The following NCKIPSD variants were observed in gnomAD, a reference collection of about 807,000 sequenced individuals.
The protein encoded by NCKIPSD is NCK-interacting protein with SH3 domain.
NCKIPSD carries 48 observed loss-of-function variants against 73.4 expected under a neutral mutation model. The ratio of observed to expected loss-of-function variants is 0.65; its 90% confidence interval spans 0.52 to 0.83. The LOEUF (loss-of-function observed/expected upper bound fraction) is 0.83. NCKIPSD is among the 40% of genes least tolerant of loss of function. NCKIPSD has a pLI of 0.00. For missense variants in NCKIPSD, 884 were observed against 970.2 expected (o/e 0.91, Z 1.18); for synonymous variants, 422 against 403.6 (o/e 1.05, Z -0.54).
chr3:48,683,037 T>TA, intron 1 of NCKIPSD, 25 bp from the exon 2 acceptor site: 2 of 1,548,086 alleles, frequency 1.3e-6, no homozygotes, highest in Non-Finnish European at 1.7e-6. Flanking sequence ...GGACAGCAGT[T>TA]AGACCTGAAG....
chr3:48,684,458 G>A (rs1440897530), intron 1 of NCKIPSD, among the ~76,000 whole-genome samples: 1 of 152,176 alleles, frequency 6.6e-6, no homozygotes, highest in African/African-American at 2.4e-5. Flanking sequence ...CCCACCCCTG[G>A]CACTCCTAGA....
Position 48,673,983 on chromosome 3 carries a change from C to A in NCKIPSD, c.*561G>T, listed in dbSNP as rs1055523842. 1.9e-6 allele frequency: 2 copies of A among 1,071,110 alleles called. No homozygotes were observed. The highest frequency in any genetic ancestry group is 2.3e-6 in the Non-Finnish European group (2 of 882,138). The allele number at this position is 1,071,110 out of a possible 1,614,324, so 66.4% of individuals were successfully genotyped here. ...AGTGCCATCATCCTGTTCCATGAGG[C>A]TCCAGGATGGATGGCCTGTCTCCAA... On this transcript the variant is annotated 3_prime_UTR_variant, in exon 13 of 13. Coordinates refer to ENST00000294129, the MANE Select transcript of NCKIPSD (RefSeq NM_016453.4).
rs759643739 is a variant in NCKIPSD at position 48,681,445 on chromosome 3, T to C, written c.934A>G (p.Ile312Val). ...AAAEAAVPRT[I>V]GAELMELVRR... is the part of the protein sequence containing the mutation. ...ACCAGCTCCATCAGCTCGGCCCCAATGGTCCTGGGCACAGCCGCCTCAGCT... is the reference window on the plus strand; with the variant it reads ...ACCAGCTCCATCAGCTCGGCCCCAACGGTCCTGGGCACAGCCGCCTCAGCT... Residue 312 changes from isoleucine to valine, a missense_variant, in exon 5 of 13, where the codon ATT (isoleucine) becomes GTT (valine). Transcript: ENST00000294129. 2 of 1,613,980 alleles carry C rather than the reference T, an allele frequency of 1.2e-6. No individual in the cohort carries two copies. Among genetic ancestry groups the C allele is most frequent in the East Asian group, 2.2e-5 (1 of 44,902 alleles).
intron 1 of NCKIPSD, 82 bp downstream of exon 1, chr3:48,685,555 G>A (rs2077424149): frequency 2.1e-6 from 3 of 1,426,390 alleles, no homozygotes; most frequent in Non-Finnish European, 2.7e-6. Context: ...GGAGAGGGTG[G>A]GGTCCCTGGG....
intron 5 of NCKIPSD, 177 bp downstream of exon 5, chr3:48,681,110 T>C: frequency 9.8e-7 from 1 of 1,016,300 alleles, no homozygotes; most frequent in Non-Finnish European, 1.4e-6. Context: ...CGCATCTGCC[T>C]GGAATGCTTG....
chr3:48,674,279 A>T lies in NCKIPSD; in HGVS notation c.*265T>A. ...GTGTACACATGGGTGTGGGGTGAAG[A>T]GGGGGGCATGCTGAAGAGGAAGCCT... On this transcript the variant is annotated 3_prime_UTR_variant, in exon 13 of 13. Transcript: ENST00000294129. 7.4e-7 allele frequency: 1 copy of T among 1,343,322 alleles called. No homozygotes were observed. The highest frequency in any genetic ancestry group is 2.9e-4 in the Middle Eastern group (1 of 3,480). The allele number at this position is 1,343,322 out of a possible 1,614,324, so 83.2% of individuals were successfully genotyped here. A position where few individuals can be genotyped will look rare whatever the true frequency, so the allele number is the denominator to read the frequency against.
chr3:48,683,352 T>C (rs543582111), intron 1 of NCKIPSD, among the ~76,000 whole-genome samples: 1 of 152,284 alleles, frequency 6.6e-6, no homozygotes, highest in South Asian at 2.1e-4. Flanking sequence ...CAGGAGCGCA[T>C]ACCTCGTCTA....
chr3:48,682,070 G>C lies in NCKIPSD; in HGVS notation c.573C>G (p.Arg191=). ...TPPPPVKRRD[R]EALMASGSGG... The stretch of plus-strand genomic sequence containing the variant: ...CACTCCCAGAGGCCATCAGGGCCTC[G>C]CGGTCTCGGCGCTTCACTGGTGGGG... Residue 191 remains arginine, a synonymous_variant, in exon 4 of 13, where the codon CGC becomes CGG. Transcript: ENST00000294129. 6.2e-7 allele frequency: 1 copy of C among 1,601,510 alleles called. No individual in the cohort carries two copies. The highest frequency in any genetic ancestry group is 8.5e-7 in the Non-Finnish European group (1 of 1,179,888).
Position 48,679,438 on chromosome 3 carries a change from G to GTGT in NCKIPSD, c.1508_1509insACA (p.Tyr503delinsTer). 6.2e-7 allele frequency: 1 copy of GTGT among 1,613,608 alleles called. No homozygotes were observed. The highest frequency in any genetic ancestry group is 1.3e-5 in the African/African-American group (1 of 75,042). On this transcript the variant is annotated stop_gained, in exon 9 of 13. Coordinates refer to ENST00000294129, the MANE Select transcript of NCKIPSD (RefSeq NM_016453.4). LOFTEE classifies it high-confidence loss of function. ...AGACCATGGCCAGGATGAGGGCAGA[G>GTGT]TAACAGAGTTTCTGGTGGTCTGGGG... is the stretch of plus-strand genomic sequence containing the variant.
In NCKIPSD at chr3:48,674,444, C is replaced by A; in HGVS notation, c.*100G>T. On this transcript the variant is annotated 3_prime_UTR_variant, in exon 13 of 13. Transcript: ENST00000294129. Reference sequence around the variant, plus strand: ...GTCCTGCTCAGGTTCCTTCTGCCACCTTATCCCCTCCCACTGTCAGTGCAA... The same window carrying A: ...GTCCTGCTCAGGTTCCTTCTGCCACATTATCCCCTCCCACTGTCAGTGCAA... 6.7e-7 allele frequency: 1 copy of A among 1,493,236 alleles called. No homozygotes were observed. Among genetic ancestry groups the A allele is most frequent in the Non-Finnish European group, 8.9e-7 (1 of 1,120,552 alleles). 92.5% of individuals were successfully genotyped at this position (1,493,236 alleles called of 1,614,324 possible). A position where few individuals can be genotyped will look rare whatever the true frequency, so the allele number is the denominator to read the frequency against.
rs774835737 is a variant in NCKIPSD, at chr3:48,679,596, C to T, written c.1468G>A (p.Asp490Asn). The change falls in exon 8 of 13, where the codon GAC becomes AAC. Residue 490 changes from aspartate (D) to asparagine (N), a missense_variant. Transcript: ENST00000294129. ...SSVLPVELAR[D>N]MQTDTQDHQK... ...TCACCCTGCGTGTCTGTCTGCATGT[C>T]CCTCGCCAGCTCTACAGGCAGCACG... The T allele has an allele frequency of 2.5e-6, 4 of 1,614,070 alleles. No homozygotes were observed. The highest frequency in any genetic ancestry group is 2.5e-6 in the Non-Finnish European group (3 of 1,180,026).
In NCKIPSD at chr3:48,679,928, G is replaced by A. The variant is rs201257932; in HGVS notation, c.1264-41C>T. The A allele has an allele frequency of 1.3e-4, 209 of 1,613,056 alleles. No individual in the cohort carries two copies. The African/African-American group carries it at 2.2e-3, about 17-fold the overall frequency. Reference sequence around the variant, plus strand: ...AGTGAGAGCATCAGCCACCATGAGCGGAGCTGTGCAGCCGCACAAGAGAGG... The same window carrying A: ...AGTGAGAGCATCAGCCACCATGAGCAGAGCTGTGCAGCCGCACAAGAGAGG... On this transcript the variant is annotated intron_variant, in intron 6 of 12. Coordinates refer to ENST00000294129, the MANE Select transcript of NCKIPSD (RefSeq NM_016453.4).
In NCKIPSD at chr3:48,678,573, T is replaced by G. The variant is rs141514245; in HGVS notation, c.1956A>C (p.Pro652=). 91 of 1,610,122 alleles carry G rather than the reference T, an allele frequency of 5.7e-5. No homozygotes were observed. The highest frequency in any genetic ancestry group is 7.5e-5 in the Non-Finnish European group (88 of 1,177,918). Residue 652 remains proline, a synonymous_variant, in exon 12 of 13, where the codon CCA becomes CCC. Transcript: ENST00000294129. Reference sequence around the variant, plus strand: ...AGCCACCTCCAGGCACCTTGTCTCCTGGTGACAGGTCTGCGATGTGCCGCA... The same window carrying G: ...AGCCACCTCCAGGCACCTTGTCTCCGGGTGACAGGTCTGCGATGTGCCGCA... The part of the protein sequence containing the change: ...ITVRHIADLS[P]GDKLRMEYLS...
Position 48,681,790 on chromosome 3 carries a change from G to C in NCKIPSD, c.599-10C>G. ...ATGGTGTTGTGGCCACCTGCGAGCA[G>C]TGAGTAGAAGCTGGGCCAGGGCAGC... On this transcript the variant is annotated splice_polypyrimidine_tract_variant and intron_variant, in intron 4 of 12. Coordinates refer to ENST00000294129, the MANE Select transcript of NCKIPSD (RefSeq NM_016453.4). 1 of 1,483,164 alleles carries C rather than the reference G, an allele frequency of 6.7e-7. No individual in the cohort carries two copies. Among genetic ancestry groups the C allele is most frequent in the Non-Finnish European group, 8.9e-7 (1 of 1,118,582 alleles). The allele number at this position is 1,483,164 out of a possible 1,614,324, so 91.9% of individuals were successfully genotyped here. A position where few individuals can be genotyped will look rare whatever the true frequency, so the allele number is the denominator to read the frequency against.
chr3:48,673,936 A>G lies in NCKIPSD; in HGVS notation c.*608T>C. The G allele has an allele frequency of 9.4e-7, 1 of 1,064,030 alleles. No individual in the cohort carries two copies. Among genetic ancestry groups the G allele is most frequent in the African/African-American group, 1.6e-5 (1 of 61,016 alleles). The allele number at this position is 1,064,030 out of a possible 1,614,324, so 65.9% of individuals were successfully genotyped here. A position where few individuals can be genotyped will look rare whatever the true frequency, so the allele number is the denominator to read the frequency against. On this transcript the variant is annotated 3_prime_UTR_variant, in exon 13 of 13. Coordinates refer to ENST00000294129, the MANE Select transcript of NCKIPSD (RefSeq NM_016453.4). ...CAGTCTACATTTTTACAGAGAAAAG[A>G]GATTCGGTCATTGGCTTTCTCAGTG...
chr3:48,685,228 A>AGGGAGGGAGGTT (rs1553632182), intron 1 of NCKIPSD, among the ~76,000 whole-genome samples: 1 of 33,808 alleles, frequency 3.0e-5, no homozygotes, highest in Non-Finnish European at 6.6e-5. Flanking sequence ...GGAGGGAGGG[A>AGGGAGGGAGGTT]GGTTGGTTGT....
chr3:48,674,318 G>A lies in NCKIPSD; in HGVS notation c.*226C>T. 1 of 1,404,376 alleles carries A rather than the reference G, an allele frequency of 7.1e-7. No individual in the cohort carries two copies. Among genetic ancestry groups the A allele is most frequent in the Admixed American group, 2.9e-5 (1 of 34,146 alleles). The allele number at this position is 1,404,376 out of a possible 1,614,324, so 87.0% of individuals were successfully genotyped here. A position where few individuals can be genotyped will look rare whatever the true frequency, so the allele number is the denominator to read the frequency against. On this transcript the variant is annotated 3_prime_UTR_variant, in exon 13 of 13. Coordinates refer to ENST00000294129, the MANE Select transcript of NCKIPSD (RefSeq NM_016453.4). ...AAGAGGAAGCCTACCAGGGTATAGA[G>A]GGGCTTTAGCTTGCATATTCCCCCT...
chr3:48,682,630 G>T, intron 2 of NCKIPSD, 78 bp from the exon 3 acceptor site: 2 of 1,509,424 alleles, frequency 1.3e-6, no homozygotes, highest in East Asian at 4.5e-5. Flanking sequence ...TGGGATGCTG[G>T]GACCCCATAG....
chr3:48,675,994 C>A (rs2077251432), intron 12 of NCKIPSD, among the ~76,000 whole-genome samples: 2 of 152,214 alleles, frequency 1.3e-5, no homozygotes, highest in Non-Finnish European at 2.9e-5. Context: ...CCTGCTAAGT[C>A]CCAGCCCTGG....
Sources: allele counts gnomAD v4.1 joint callset (sites outside exome capture counted in the v4.1 genomes callset), GRCh38; gene constraint gnomAD v4.1.1; transcripts MANE v1.5; gene names NCBI Gene and HGNC (gene_info 2026-07-23, HGNC 2026-07-21).